The following ALK variants were observed in gnomAD, a reference collection of about 807,000 sequenced individuals.
ALK encodes the protein ALK tyrosine kinase receptor.
ALK carries 74 observed loss-of-function variants against 163.1 expected under a neutral mutation model. That is an observed-to-expected ratio of 0.45 (90% CI 0.38 to 0.55). The LOEUF (loss-of-function observed/expected upper bound fraction) is 0.55, where lower values mean the gene tolerates loss of function less well. Among genes scored for constraint, ALK ranks in the 20% least tolerant of loss-of-function variants. The pLI is 0.00. For missense variants in ALK, 2,063 were observed against 2,105.3 expected, an observed-to-expected ratio of 0.98 and a Z score of 0.39; for synonymous variants, 960 against 843.2, an observed-to-expected ratio of 1.14 and a Z score of -2.40.
At chr2:29,264,746 G>A (rs774625076) in intron 11 of ALK, among the ~76,000 whole-genome samples, 1 of 152,226 alleles carries the variant, frequency 6.6e-6, no homozygotes, top group Non-Finnish European at 1.5e-5. Context: ...CAGTGAGTGG[G>A]TGCTGGGACA....
At chr2:29,787,360 A>G (rs1198994499) in intron 1 of ALK, among the ~76,000 whole-genome samples, 1 of 152,212 alleles carries the variant, frequency 6.6e-6, no homozygotes, top group African/African-American at 2.4e-5. Context: ...AAGCTACTTA[A>G]TGTTTTTCTA....
intron 1 of ALK, among the ~76,000 whole-genome samples, chr2:29,770,279 T>C (rs1680982866): frequency 6.6e-6 from 1 of 152,160 alleles, no homozygotes; most frequent in African/African-American, 2.4e-5. Context: ...TCTAAGCAGG[T>C]AACTAGGAGA....
At chr2:29,897,491 G>C (rs1180611920) in intron 1 of ALK, among the ~76,000 whole-genome samples, 1 of 152,102 alleles carries the variant, frequency 6.6e-6, no homozygotes, top group African/African-American at 2.4e-5. Context: ...CTGTTACCAG[G>C]GACATCAGAG....
intron 1 of ALK, among the ~76,000 whole-genome samples, chr2:29,733,682 C>A (rs545132937): frequency 3.7e-4 from 57 of 152,220 alleles, no homozygotes; most frequent in African/African-American, 1.3e-3. Context: ...AAATGCTGGG[C>A]AAAATATGGG....
At chr2:29,207,483 C>A (rs1365717358) in intron 25 of ALK, among the ~76,000 whole-genome samples, 1 of 152,178 alleles carries the variant, frequency 6.6e-6, no homozygotes, top group Non-Finnish European at 1.5e-5. Context: ...ACAAAACAAA[C>A]CACGAGAGGC....
intron 4 of ALK, among the ~76,000 whole-genome samples, chr2:29,459,948 A>G (rs116071662): frequency 3.1e-3 from 474 of 152,302 alleles, no homozygotes; most frequent in African/African-American, 0.011. Context: ...CATGTTTTGT[A>G]AAAAGCAGCC....
intron 1 of ALK, among the ~76,000 whole-genome samples, chr2:29,810,283 G>A (rs192666739): frequency 6.6e-6 from 1 of 152,164 alleles, no homozygotes; most frequent in East Asian, 1.9e-4. Context: ...TCAGCCGAGT[G>A]TGGTGGTGGT....
chr2:29,909,036 A>T (rs1022467845), intron 1 of ALK, among the ~76,000 whole-genome samples: 4 of 152,106 alleles, frequency 2.6e-5, no homozygotes, highest in Non-Finnish European at 4.4e-5. Flanking sequence ...CCCTTGTCTA[A>T]TTTCTCTTTG....
intron 6 of ALK, among the ~76,000 whole-genome samples, chr2:29,323,396 A>G (rs1385085396): frequency 6.6e-6 from 1 of 152,206 alleles, no homozygotes; most frequent in African/African-American, 2.4e-5. Flanking sequence ...AGCTGGACAG[A>G]AGAAAGCCAC....
At chr2:29,913,146 ACT>A (rs1480315368) in intron 1 of ALK, among the ~76,000 whole-genome samples, 2 of 151,902 alleles carry the variant, frequency 1.3e-5, no homozygotes, top group African/African-American at 4.8e-5. Flanking sequence ...AAAAAAAAAG[ACT>A]CTTAAATAAC....
chr2:29,745,749 T>C (rs912817366), intron 1 of ALK, among the ~76,000 whole-genome samples: 1 of 152,184 alleles, frequency 6.6e-6, no homozygotes, highest in African/African-American at 2.4e-5. Context: ...TCCCAACCAA[T>C]AATTACACAC....
At chr2:29,829,890 C>A (rs1362809768) in intron 1 of ALK, among the ~76,000 whole-genome samples, 1 of 152,190 alleles carries the variant, frequency 6.6e-6, no homozygotes, top group African/African-American at 2.4e-5. Context: ...CACAGCAAAC[C>A]CTATGGGCTG....
intron 4 of ALK, among the ~76,000 whole-genome samples, chr2:29,420,926 T>G (rs1224057435): frequency 2.0e-5 from 3 of 151,568 alleles, no homozygotes; most frequent in Admixed American, 6.6e-5. Context: ...CTCTCCACTT[T>G]GTGATTACAT....
chr2:29,623,857 A>G (rs570658199), intron 3 of ALK, among the ~76,000 whole-genome samples: 1 of 152,368 alleles, frequency 6.6e-6, no homozygotes, highest in Admixed American at 6.5e-5. Flanking sequence ...TAGAAATTTT[A>G]TAATATAGAA....
At chr2:29,465,409 G>A (rs1418058696) in intron 4 of ALK, among the ~76,000 whole-genome samples, 1 of 152,108 alleles carries the variant, frequency 6.6e-6, no homozygotes, top group African/African-American at 2.4e-5. Context: ...AACGTTAAAA[G>A]TAGGCCAGGC....
At chr2:29,242,232 T>G (rs796634908) in intron 12 of ALK, among the ~76,000 whole-genome samples, 17 of 152,266 alleles carry the variant, frequency 1.1e-4, no homozygotes, top group African/African-American at 3.8e-4. Context: ...TTCTGAGTCC[T>G]GGTCAGGCTG....
intron 1 of ALK, among the ~76,000 whole-genome samples, chr2:29,851,725 G>C (rs950400849): frequency 6.6e-6 from 1 of 152,164 alleles, no homozygotes. Flanking sequence ...TTCCTCACCA[G>C]ACACACTTCC....
At chr2:29,211,872 G>A (rs1241780770) in intron 24 of ALK, among the ~76,000 whole-genome samples, 1 of 152,216 alleles carries the variant, frequency 6.6e-6, no homozygotes, top group African/African-American at 2.4e-5. Context: ...AAGGAGAAAA[G>A]AGCAATAAAT....
chr2:29,902,928 C>T (rs1293706631), intron 1 of ALK, among the ~76,000 whole-genome samples: 1 of 152,184 alleles, frequency 6.6e-6, no homozygotes, highest in Non-Finnish European at 1.5e-5. Flanking sequence ...TTACAGTGCA[C>T]TAACCTATGC....
Sources: gnomAD v4.1 joint callset for allele counts (sites outside exome capture counted in the v4.1 genomes callset) on GRCh38, gnomAD v4.1.1 for gene constraint, MANE v1.5 for transcripts, NCBI Gene and HGNC (gene_info 2026-07-23, HGNC 2026-07-21) for gene names.